ARHGAP26: variants seen among roughly 807,000 people sequenced by gnomAD.
ARHGAP26 encodes the protein Rho GTPase activating protein 26.
Under a neutral mutation model 104.8 loss-of-function variants are expected in ARHGAP26, and 38 were observed. The observed-to-expected ratio is 0.36, with a 90% CI of 0.28 to 0.48. ARHGAP26 has a LOEUF of 0.48. Among genes scored for constraint, ARHGAP26 ranks in the 20% least tolerant of loss-of-function variants. The pLI is 0.99. For synonymous variants in ARHGAP26, 341 were observed against 340.0 expected (o/e 1.00, Z -0.03); for missense variants, 704 against 947.9 (o/e 0.74, Z 3.38).
At chr5:143,121,756 A>G (rs1402942673) in intron 18 of ARHGAP26, among the ~76,000 whole-genome samples, 1 of 152,124 alleles carries the variant, frequency 6.6e-6, no homozygotes, top group Admixed American at 6.6e-5. Flanking sequence ...GAAGAATATT[A>G]ACGCAGAGCT....
chr5:143,166,541 T>G (rs1469850497), intron 20 of ARHGAP26, among the ~76,000 whole-genome samples: 2 of 152,198 alleles, frequency 1.3e-5, no homozygotes, highest in East Asian at 1.9e-4. Context: ...ATTCTGTGCC[T>G]GGGCTTTACT....
Position 143,067,978 on chromosome 5 carries a change from A to G in ARHGAP26, c.1538+10231A>G, listed in dbSNP as rs143210841. On this transcript the variant is annotated intron_variant, in intron 17 of 22. Transcript: ENST00000645722. ...CGGGAGTTCGAGACCAGCCTGGCCA[A>G]CATGGTGAAACCCCATCTCTACTAA... Among the ~76,000 whole-genome samples, 193 of 152,278 alleles carry G rather than the reference A, an allele frequency of 1.3e-3. 1 individual carries two copies. The highest frequency in any genetic ancestry group is 4.4e-3 in the African/African-American group (181 of 41,558).
At chr5:143,178,101 A>G (rs552089050) in intron 20 of ARHGAP26, among the ~76,000 whole-genome samples, 1 of 146,000 alleles carries the variant, frequency 6.8e-6, no homozygotes, top group African/African-American at 2.5e-5. Context: ...CCAGGCTCAA[A>G]TGATTCTCCT....
At chr5:143,045,724 G>A (rs976225966) in intron 14 of ARHGAP26, among the ~76,000 whole-genome samples, 80 of 152,340 alleles carry the variant, frequency 5.3e-4, no homozygotes, top group Middle Eastern at 3.4e-3. Context: ...CTGGTCAGGT[G>A]CGGTGGCTCA....
intron 1 of ARHGAP26, among the ~76,000 whole-genome samples, chr5:142,862,784 G>C (rs1445096620): frequency 3.9e-5 from 6 of 152,176 alleles, no homozygotes; most frequent in Non-Finnish European, 8.8e-5. Flanking sequence ...AGAAGGTCTG[G>C]CTTTCACTGT....
intron 1 of ARHGAP26, among the ~76,000 whole-genome samples, chr5:142,849,613 G>T (rs966609462): frequency 6.6e-6 from 1 of 152,028 alleles, no homozygotes; most frequent in African/African-American, 2.4e-5. Context: ...CAACCAGAAG[G>T]TCTGCCTCTC....
intron 11 of ARHGAP26, among the ~76,000 whole-genome samples, chr5:142,957,761 A>G (rs1769497757): frequency 6.6e-6 from 1 of 152,242 alleles, no homozygotes; most frequent in African/African-American, 2.4e-5. Context: ...GCTTAAGTAC[A>G]GAGAATTTAG....
At chr5:143,134,155 C>T in intron 19 of ARHGAP26, 50 bp downstream of exon 19, 1 of 1,560,852 alleles carries the variant, frequency 6.4e-7, no homozygotes, top group South Asian at 1.2e-5. Flanking sequence ...ACATCCCATG[C>T]TACCTGCACG....
At chr5:143,214,109 CAAAGATATG>C in intron 22 of ARHGAP26, 21 bp downstream of exon 22, 1 of 1,031,000 alleles carries the variant, frequency 9.7e-7, no homozygotes, top group South Asian at 1.5e-5. Flanking sequence ...CATCCCCTCA[CAAAGATATG>C]GGCGGGGGGC....
intron 20 of ARHGAP26, among the ~76,000 whole-genome samples, chr5:143,175,911 C>T (rs533665059): frequency 1.4e-3 from 209 of 152,142 alleles, no homozygotes; most frequent in African/African-American, 4.7e-3. Context: ...GTCAGGAGTT[C>T]GAGACCAGCC....
intron 11 of ARHGAP26, among the ~76,000 whole-genome samples, chr5:142,961,972 G>A (rs1770329909): frequency 6.6e-6 from 1 of 152,064 alleles, no homozygotes; most frequent in Non-Finnish European, 1.5e-5. Flanking sequence ...CTTTTGAATG[G>A]TGTTCCTAAC....
In ARHGAP26 at chr5:143,124,750, G is replaced by T. The variant is rs1030767443; in HGVS notation, c.1698+3603G>T. Among the ~76,000 whole-genome samples the T allele has an allele frequency of 2.4e-4, 36 of 152,212 alleles. 1 individual carries two copies. ...CAAGTCCAGCCAGATTCAAGGCAGGGGGAGCTAGATGCCACCTCTGGGTGG... is the reference window on the plus strand; with the variant it reads ...CAAGTCCAGCCAGATTCAAGGCAGGTGGAGCTAGATGCCACCTCTGGGTGG... On this transcript the variant is annotated intron_variant, in intron 18 of 22. Coordinates refer to ENST00000645722, the MANE Select transcript of ARHGAP26 (RefSeq NM_001135608.3).
chr5:142,841,418 G>A (rs1436518781), intron 1 of ARHGAP26, among the ~76,000 whole-genome samples: 2 of 152,212 alleles, frequency 1.3e-5, no homozygotes, highest in Non-Finnish European at 2.9e-5. Flanking sequence ...TTGCCGTTAC[G>A]TTTACGGTGT....
intron 1 of ARHGAP26, among the ~76,000 whole-genome samples, chr5:142,839,106 A>G (rs111990933): frequency 0.01 from 1,583 of 152,348 alleles, 36 homozygotes; most frequent in African/African-American, 0.036. Flanking sequence ...TTTAACAAAC[A>G]TTTCAGACGA....
At chr5:143,071,503 G>C (rs1788245600) in intron 17 of ARHGAP26, among the ~76,000 whole-genome samples, 1 of 152,278 alleles carries the variant, frequency 6.6e-6, no homozygotes, top group South Asian at 2.1e-4. Flanking sequence ...CCTCAATGTA[G>C]GACCCAAAAC....
At chr5:142,869,708 A>G (rs935111442) in intron 1 of ARHGAP26, among the ~76,000 whole-genome samples, 3 of 152,242 alleles carry the variant, frequency 2.0e-5, no homozygotes, top group African/African-American at 7.2e-5. Flanking sequence ...TACTGGTACA[A>G]CTTGTATAAA....
chr5:142,941,954 T>TCC (rs1766415090), intron 11 of ARHGAP26, among the ~76,000 whole-genome samples: 1 of 152,188 alleles, frequency 6.6e-6, no homozygotes, highest in South Asian at 2.1e-4. Context: ...CAGCAGTCAC[T>TCC]TTGATGGGTA....
At chr5:143,137,976 C>T (rs946881694) in intron 19 of ARHGAP26, among the ~76,000 whole-genome samples, 5 of 152,216 alleles carry the variant, frequency 3.3e-5, no homozygotes, top group African/African-American at 1.2e-4. Flanking sequence ...GCCTTTGCAC[C>T]TGCACTTCAG....
chr5:143,223,499 C>T lies in ARHGAP26; in HGVS notation c.*1053C>T, dbSNP rs571533058. On this transcript the variant is annotated 3_prime_UTR_variant, in exon 23 of 23. Coordinates refer to ENST00000645722, the MANE Select transcript of ARHGAP26 (RefSeq NM_001135608.3). Reference sequence around the variant, plus strand: ...GATGCTGCCTCCCAATGGGTGATGCCATCTGACTGGTTTCCCCATGTCCTC... The same window carrying T: ...GATGCTGCCTCCCAATGGGTGATGCTATCTGACTGGTTTCCCCATGTCCTC... 1 of 231,960 alleles carries T rather than the reference C, an allele frequency of 4.3e-6. No individual in the cohort carries two copies. The highest frequency in any genetic ancestry group is 5.6e-5 in the Admixed American group (1 of 17,738). The allele number at this position is 231,960 out of a possible 1,614,324, so 14.4% of individuals were successfully genotyped here. A position where few individuals can be genotyped will look rare whatever the true frequency, so the allele number is the denominator to read the frequency against.
Sources: allele counts gnomAD v4.1 joint callset (sites outside exome capture counted in the v4.1 genomes callset), GRCh38; gene constraint gnomAD v4.1.1; transcripts MANE v1.5; gene names NCBI Gene and HGNC (gene_info 2026-07-23, HGNC 2026-07-21).